The following DNER variants were observed in gnomAD, a reference collection of about 807,000 sequenced individuals.
DNER encodes delta/notch like EGF repeat containing, also known as delta and Notch-like epidermal growth factor-related receptor.
Under a neutral mutation model 78.2 loss-of-function variants are expected in DNER, and 33 were observed. That is an observed-to-expected ratio of 0.42 (90% CI 0.32 to 0.56). The LOEUF is 0.56. Ranked by LOEUF, DNER falls within the 20% of genes least tolerant of loss-of-function variation. The pLI is 0.11. For synonymous variants in DNER, 417 were observed against 384.8 expected (o/e 1.08, Z -0.98); for missense variants, 918 against 975.3 (o/e 0.94, Z 0.78).
At chr2:229,450,746 G>C (rs1282463089) in intron 7 of DNER, among the ~76,000 whole-genome samples, 1 of 152,206 alleles carries the variant, frequency 6.6e-6, no homozygotes, top group African/African-American at 2.4e-5. Context: ...GCAGGCCAAG[G>C]AGAGAGGCCT....
At chr2:229,635,048 T>C (rs1406429646) in intron 1 of DNER, among the ~76,000 whole-genome samples, 2 of 152,216 alleles carry the variant, frequency 1.3e-5, no homozygotes, top group African/African-American at 4.8e-5. Flanking sequence ...GTTGACACAA[T>C]TCCATGCAAG....
At chr2:229,697,543 G>C (rs549672269) in intron 1 of DNER, among the ~76,000 whole-genome samples, 1 of 152,232 alleles carries the variant, frequency 6.6e-6, no homozygotes, top group Non-Finnish European at 1.5e-5. Flanking sequence ...ACCTGGGATG[G>C]TTTATGATAC....
intron 4 of DNER, among the ~76,000 whole-genome samples, chr2:229,567,744 T>C (rs1697140279): frequency 6.6e-6 from 1 of 152,228 alleles, no homozygotes; most frequent in Non-Finnish European, 1.5e-5. Flanking sequence ...AATGAATTAC[T>C]GATTGTCCCT....
At chr2:229,493,453 T>C (rs1695443315) in intron 6 of DNER, among the ~76,000 whole-genome samples, 1 of 152,160 alleles carries the variant, frequency 6.6e-6, no homozygotes, top group South Asian at 2.1e-4. Context: ...CCATTGTGTG[T>C]TTACTATGTA....
intron 1 of DNER, among the ~76,000 whole-genome samples, chr2:229,597,843 C>G (rs1697750176): frequency 6.6e-6 from 1 of 152,168 alleles, no homozygotes; most frequent in South Asian, 2.1e-4. Flanking sequence ...TTATTTTAGA[C>G]TTTTCACCCG....
chr2:229,515,304 C>T (rs1695947805), intron 5 of DNER, among the ~76,000 whole-genome samples: 1 of 152,168 alleles, frequency 6.6e-6, no homozygotes. Context: ...TAACAGAGTA[C>T]ACATCTGATA....
chr2:229,495,875 C>T (rs1215218495), intron 6 of DNER, among the ~76,000 whole-genome samples: 1 of 152,218 alleles, frequency 6.6e-6, no homozygotes, highest in African/African-American at 2.4e-5. Context: ...CATATCATGT[C>T]TACCTCCTGT....
chr2:229,536,297 A>G (rs1043218009), intron 5 of DNER, among the ~76,000 whole-genome samples: 11 of 152,182 alleles, frequency 7.2e-5, no homozygotes, highest in Admixed American at 3.9e-4. Context: ...ATGAAACATC[A>G]GGGCAGCAGG....
chr2:229,433,294 C>A (rs958753639), intron 8 of DNER, among the ~76,000 whole-genome samples: 2 of 152,012 alleles, frequency 1.3e-5, no homozygotes, highest in Admixed American at 6.6e-5. Flanking sequence ...AATCCAACCG[C>A]AAAACATATG....
At chr2:229,396,016 C>T (rs1006788673) in intron 10 of DNER, among the ~76,000 whole-genome samples, 15 of 152,128 alleles carry the variant, frequency 9.9e-5, no homozygotes, top group Admixed American at 9.8e-4. Flanking sequence ...AAGTTCTCTG[C>T]CTTTGAGATG....
chr2:229,506,964 A>T (rs1695758414), intron 6 of DNER, among the ~76,000 whole-genome samples: 1 of 152,174 alleles, frequency 6.6e-6, no homozygotes, highest in Non-Finnish European at 1.5e-5. Context: ...ATTTACTTAC[A>T]CAAACCTAGA....
chr2:229,668,036 G>A (rs530835971), intron 1 of DNER, among the ~76,000 whole-genome samples: 12 of 152,268 alleles, frequency 7.9e-5, no homozygotes, highest in African/African-American at 2.9e-4. Context: ...AGCTTTTGAA[G>A]CCCAAATCTT....
intron 6 of DNER, among the ~76,000 whole-genome samples, chr2:229,484,362 G>A (rs1695227535): frequency 1.3e-5 from 2 of 152,176 alleles, no homozygotes; most frequent in African/African-American, 4.8e-5. Context: ...GGGAAACACT[G>A]CAATGAGCAA....
chr2:229,678,879 T>C (rs1429730521), intron 1 of DNER, among the ~76,000 whole-genome samples: 1 of 152,210 alleles, frequency 6.6e-6, no homozygotes, highest in East Asian at 1.9e-4. Context: ...ATGTATCAGA[T>C]AATAAATACA....
intron 4 of DNER, among the ~76,000 whole-genome samples, chr2:229,549,026 T>C (rs1696679079): frequency 6.6e-6 from 1 of 152,192 alleles, no homozygotes; most frequent in Non-Finnish European, 1.5e-5. Flanking sequence ...TTTGGCAAAC[T>C]GCTTTTTTCT....
At chr2:229,563,534 G>GTCATCATCCTCACCTCATCACCATCATCA (rs779676564) in intron 4 of DNER, among the ~76,000 whole-genome samples, 1 of 75,806 alleles carries the variant, frequency 1.3e-5, no homozygotes, top group Non-Finnish European at 2.6e-5. Flanking sequence ...CACCATCATC[G>GTCATCATCCTCACCTCATCACCATCATCA]TCATCACCCC....
intron 5 of DNER, among the ~76,000 whole-genome samples, chr2:229,516,511 G>A (rs77211260): frequency 0.039 from 5,930 of 152,172 alleles, 166 homozygotes; most frequent in East Asian, 0.12. Flanking sequence ...ATAAGTACAC[G>A]GAAATGTACT....
At chr2:229,608,437 T>C (rs1697981682) in intron 1 of DNER, among the ~76,000 whole-genome samples, 2 of 152,328 alleles carry the variant, frequency 1.3e-5, no homozygotes, top group South Asian at 2.1e-4. Context: ...GATGAAAATA[T>C]AGGACAATAT....
chr2:229,409,779 A>C (rs1021944028), intron 9 of DNER, among the ~76,000 whole-genome samples: 1 of 152,184 alleles, frequency 6.6e-6, no homozygotes, highest in Non-Finnish European at 1.5e-5. Flanking sequence ...CAGAAACCTG[A>C]TTACGGACAA....
Sources: allele counts gnomAD v4.1 joint callset (sites outside exome capture counted in the v4.1 genomes callset), GRCh38; gene constraint gnomAD v4.1.1; transcripts MANE v1.5; gene names NCBI Gene and HGNC (gene_info 2026-07-23, HGNC 2026-07-21).